The following TRIM10 variants were observed in gnomAD, a reference collection of about 807,000 sequenced individuals.
TRIM10 encodes tripartite motif containing 10.
In TRIM10, 42 loss-of-function variants were observed where a neutral mutation model predicts 40.0. That is an observed-to-expected ratio of 1.05 (90% CI 0.82 to 1.36). TRIM10 has a LOEUF of 1.36. TRIM10 is among the 40% of genes most tolerant of loss of function. The probability of loss-of-function intolerance (pLI) is 0.00; values close to 1 mark genes in which losing one functional copy is unlikely to be tolerated. For missense variants in TRIM10, 601 were observed against 608.3 expected, an observed-to-expected ratio of 0.99 and a Z score of 0.13; for synonymous variants, 260 against 239.5, an observed-to-expected ratio of 1.09 and a Z score of -0.79.
At chr6:30,157,481 T>G in intron 3 of TRIM10, 90 bp from the exon 4 acceptor site, 1 of 1,357,928 alleles carries the variant, frequency 7.4e-7, no homozygotes, top group Non-Finnish European at 1.0e-6. Context: ...TTATTTATTT[T>G]TTATTTGCTT....
Position 30,157,189 on chromosome 6 carries a change from A to ACTG in TRIM10, c.780-138_780-136dup. ...ACGTACTTCCTCTAGGATGAATCCCACTGCCCATTTTTGGGCATCTATGGA... is the reference window on the plus strand; with the variant it reads ...ACGTACTTCCTCTAGGATGAATCCCACTGCTGCCCATTTTTGGGCATCTATGGA... On this transcript the variant is annotated intron_variant, in intron 4 of 6. Coordinates refer to ENST00000449742, the MANE Select transcript of TRIM10 (RefSeq NM_006778.4). 3.5e-6 allele frequency: 4 copies of ACTG among 1,139,208 alleles called. No individual in the cohort carries two copies. The South Asian group carries it at 5.9e-5, about 17-fold the overall frequency. The allele number at this position is 1,139,208 out of a possible 1,614,324, so 70.6% of individuals were successfully genotyped here. A position where few individuals can be genotyped will look rare whatever the true frequency, so the allele number is the denominator to read the frequency against.
upstream of TRIM10, chr6:30,163,978 C>T (rs1360171972): frequency 2.5e-6 from 4 of 1,613,018 alleles, no homozygotes; most frequent in Non-Finnish European, 3.4e-6. Flanking sequence ...AGAACGATGC[C>T]GAGTTCCTCT....
At chr6:30,154,628 G>A in intron 6 of TRIM10, 142 bp from the exon 7 acceptor site, 1 of 1,026,936 alleles carries the variant, frequency 9.7e-7, no homozygotes, top group Non-Finnish European at 1.5e-6. Flanking sequence ...CAACAGTGTG[G>A]AACCACCTGG....
At position 30,152,456 on chromosome 6, in the gene TRIM10, G is replaced by C. The variant is rs1447838846; in HGVS notation, c.*1513C>G. ...TTTTGAATATACAACATTTTAATGAGATACTGCACACTCCCAGGGAAAGCA... is the reference window on the plus strand; with the variant it reads ...TTTTGAATATACAACATTTTAATGACATACTGCACACTCCCAGGGAAAGCA... On this transcript the variant is annotated 3_prime_UTR_variant, in exon 7 of 7. Coordinates refer to ENST00000449742, the MANE Select transcript of TRIM10 (RefSeq NM_006778.4). 6.6e-6 allele frequency: 1 copy of C among 152,308 alleles called. No individual in the cohort carries two copies. The highest frequency in any genetic ancestry group is 6.5e-5 in the Admixed American group (1 of 15,302). 9.4% of individuals were successfully genotyped at this position (152,308 alleles called of 1,614,324 possible).
rs553187271 is a variant in TRIM10 at position 30,153,727 on chromosome 6, G to T, written c.*242C>A. 1 of 1,613,084 alleles carries T rather than the reference G, an allele frequency of 6.2e-7. No homozygotes were observed. ...CTGTGCCAAGCACGGATGGTGGTGA[G>T]CAGAACTGGCAGCAGCCTGAGTCCC... On this transcript the variant is annotated 3_prime_UTR_variant, in exon 7 of 7. Transcript: ENST00000449742.
upstream of TRIM10, among the ~76,000 whole-genome samples, chr6:30,162,679 A>G (rs60650863): frequency 0.028 from 4,264 of 152,234 alleles, 104 homozygotes; most frequent in Middle Eastern, 0.054. Context: ...GATCGTCCTT[A>G]ACGTGATACT....
Position 30,154,080 on chromosome 6 carries a change from G to T in TRIM10, c.1335C>A (p.Thr445=). 1 of 1,612,084 alleles carries T rather than the reference G, an allele frequency of 6.2e-7. No homozygotes were observed. Among genetic ancestry groups the T allele is most frequent in the East Asian group, 2.2e-5 (1 of 44,848 alleles). ...LDYEVGWVTF[T]NAVTREPIYT... Reference sequence around the variant, plus strand: ...AGATGGGCTCTCGGGTGACAGCGTTGGTGAAGGTCACCCAGCCCACCTCAT... The same window carrying T: ...AGATGGGCTCTCGGGTGACAGCGTTTGTGAAGGTCACCCAGCCCACCTCAT... Residue 445 remains threonine, a synonymous_variant, in exon 7 of 7, where the codon ACC becomes ACA. Transcript: ENST00000449742.
In TRIM10 at chr6:30,158,819, G is replaced by A. The variant is rs560479003; in HGVS notation, c.526-190C>T. 4.6e-5 allele frequency among the ~76,000 whole-genome samples: 7 copies of A among 152,270 alleles called. No individual in the cohort carries two copies. The East Asian group carries it at 1.4e-3, about 29-fold the overall frequency. On this transcript the variant is annotated intron_variant, in intron 2 of 6. Coordinates refer to ENST00000449742, the MANE Select transcript of TRIM10 (RefSeq NM_006778.4). ...CTGCTGCAGCTTCTAAAAGGGGTAGGGCTTACAGGAGGTGTAGGAGGAGGT... is the reference window on the plus strand; with the variant it reads ...CTGCTGCAGCTTCTAAAAGGGGTAGAGCTTACAGGAGGTGTAGGAGGAGGT...
At position 30,158,540 on chromosome 6, in the gene TRIM10, T is replaced by C. The variant is rs1315800133; in HGVS notation, c.615A>G (p.Ala205=). The change falls in exon 3 of 7, where the codon GCA becomes GCG. Residue 205 remains alanine, a synonymous_variant. Coordinates refer to ENST00000449742, the MANE Select transcript of TRIM10 (RefSeq NM_006778.4). ...TGTCCCCATCCTGGCTCTCCAATTG[T>C]GCTAAGAGGATGCTCTGCTGTTCCT... is the stretch of plus-strand genomic sequence containing the variant. The part of the protein sequence containing the change: ...FLEEQQSILL[A]QLESQDGDIL... The C allele has an allele frequency of 1.2e-6, 2 of 1,613,038 alleles. No individual in the cohort carries two copies. Among genetic ancestry groups the C allele is most frequent in the East Asian group, 4.5e-5 (2 of 44,886 alleles).
At position 30,153,619 on chromosome 6, in the gene TRIM10, A is replaced by C; in HGVS notation, c.*350T>G. 1 of 1,344,888 alleles carries C rather than the reference A, an allele frequency of 7.4e-7. No individual in the cohort carries two copies. The highest frequency in any genetic ancestry group is 1.2e-5 in the South Asian group (1 of 80,752). The allele number at this position is 1,344,888 out of a possible 1,614,324, so 83.3% of individuals were successfully genotyped here. On this transcript the variant is annotated 3_prime_UTR_variant, in exon 7 of 7. Coordinates refer to ENST00000449742, the MANE Select transcript of TRIM10 (RefSeq NM_006778.4). ...GAAAAGAGGTGAGATGCCTTGTTTA[A>C]AGTCATACAACTGGTTGACAGGCTG...
chr6:30,158,231 G>A (rs1772741191), intron 3 of TRIM10, among the ~76,000 whole-genome samples, 168 bp downstream of exon 3: 1 of 152,160 alleles, frequency 6.6e-6, no homozygotes, highest in African/African-American at 2.4e-5. Flanking sequence ...AAGTGACCAG[G>A]GAACTCTTGG....
chr6:30,154,755 C>T (rs1772368783), intron 6 of TRIM10: 2 of 690,376 alleles, frequency 2.9e-6, no homozygotes, highest in Non-Finnish European at 5.3e-6. Context: ...TCGTTTAGTT[C>T]AGTGTGGTCC....
intron 2 of TRIM10, 25 bp from the exon 3 acceptor site, chr6:30,158,654 A>G: frequency 6.2e-7 from 1 of 1,602,862 alleles, no homozygotes; most frequent in Non-Finnish European, 8.5e-7. Flanking sequence ...GGCAAGCCCA[A>G]GAGAAAGTTT....
At position 30,158,599 on chromosome 6, in the gene TRIM10, T is replaced by G. The variant is rs1415396037; in HGVS notation, c.556A>C (p.Ile186Leu). The change falls in exon 3 of 7, where the codon ATT (isoleucine) becomes CTT (leucine). Residue 186 changes from isoleucine (I) to leucine (L), a missense_variant. Physicochemically the swap from Ile to Leu is conservative, Grantham distance 5. Coordinates refer to ENST00000449742, the MANE Select transcript of TRIM10 (RefSeq NM_006778.4). Reference protein sequence around the residue: ...TQVSTKRQQVISEFAHLRKFL... With the variant: ...TQVSTKRQQVLSEFAHLRKFL... ...TTCCTCAGGTGTGCGAACTCAGAAA[T>G]CACCTGTTGTCTCTTGGTGGACACC... The G allele has an allele frequency of 6.2e-7, 1 of 1,613,038 alleles. No homozygotes were observed. The highest frequency in any genetic ancestry group is 8.5e-7 in the Non-Finnish European group (1 of 1,180,026).
At position 30,153,826 on chromosome 6, in the gene TRIM10, CT is replaced by C. The variant is rs1772244385; in HGVS notation, c.*142del. On this transcript the variant is annotated 3_prime_UTR_variant, in exon 7 of 7. Coordinates refer to ENST00000449742, the MANE Select transcript of TRIM10 (RefSeq NM_006778.4). Reference sequence around the variant, plus strand: ...AGATTGAGAGTCCTCTCTTCTATCCCTTACCACCCGGCCCCATCCCATCTTC... The same window carrying C: ...AGATTGAGAGTCCTCTCTTCTATCCCTACCACCCGGCCCCATCCCATCTTC... The C allele has an allele frequency of 6.2e-7, 1 of 1,611,308 alleles. No homozygotes were observed.
chr6:30,160,072 C>A (rs1772926627), intron 1 of TRIM10, among the ~76,000 whole-genome samples: 2 of 152,198 alleles, frequency 1.3e-5, no homozygotes. Flanking sequence ...ACCAGACACA[C>A]TTCTAAACAT....
In TRIM10 at chr6:30,160,554, T is replaced by A. The variant is rs749531908; in HGVS notation, c.305A>T (p.His102Leu). The change falls in exon 1 of 7, where the codon CAC (histidine) becomes CTC (leucine). Residue 102 changes from histidine (H) to leucine (L), a missense_variant. By Grantham distance (99) the His-to-Leu change is moderately conservative. Coordinates refer to ENST00000449742, the MANE Select transcript of TRIM10 (RefSeq NM_006778.4). ...ACAGAAGAAGTAGATCTTCTCTCCG[T>A]GCTCTTGGCAGACATCCTCCTCTCC... is the stretch of plus-strand genomic sequence containing the variant. ...GLGEEDVCQE[H>L]GEKIYFFCED... 4.3e-6 allele frequency: 7 copies of A among 1,614,098 alleles called. No homozygotes were observed. Among genetic ancestry groups the A allele is most frequent in the Non-Finnish European group, 5.1e-6 (6 of 1,180,050 alleles).
intron 2 of TRIM10, 91 bp downstream of exon 2, chr6:30,159,059 T>C (rs936752676): frequency 4.8e-6 from 4 of 842,096 alleles, no homozygotes; most frequent in Admixed American, 4.1e-5. Context: ...TCATAATAAC[T>C]TCAAAGCCCT....
Position 30,154,134 on chromosome 6 carries a change from C to A in TRIM10, c.1281G>T (p.Gln427His), listed in dbSNP as rs1274376376. 4.3e-6 allele frequency: 7 copies of A among 1,613,020 alleles called. No individual in the cohort carries two copies. The highest frequency in any genetic ancestry group is 5.1e-6 in the Non-Finnish European group (6 of 1,179,958). The change falls in exon 7 of 7, where the codon CAG becomes CAT. Residue 427 changes from glutamine (Q) to histidine (H), a missense_variant. Gln to His is a conservative substitution (Grantham distance 24). Coordinates refer to ENST00000449742, the MANE Select transcript of TRIM10 (RefSeq NM_006778.4). Reference sequence around the variant, plus strand: ...CAAGAGACACCCTCACCTGCCGGGGCTGCTCCTTCAGGGTCAGCCGTGTGG... The same window carrying A: ...CAAGAGACACCCTCACCTGCCGGGGATGCTCCTTCAGGGTCAGCCGTGTGG... ...SFPTRLTLKE[Q>H]PRQVRVSLDY...
Sources: allele counts gnomAD v4.1 joint callset (sites outside exome capture counted in the v4.1 genomes callset), GRCh38; gene constraint gnomAD v4.1.1; transcripts MANE v1.5; gene names NCBI Gene and HGNC (gene_info 2026-07-23, HGNC 2026-07-21).